The following KANSL1 variants were observed in gnomAD, a reference collection of about 807,000 sequenced individuals.
KANSL1 encodes KAT8 regulatory NSL complex subunit 1.
In KANSL1, 22 loss-of-function variants were observed where a neutral mutation model predicts 103.6. The observed-to-expected ratio is 0.21, with a 90% CI of 0.15 to 0.30. The LOEUF (loss-of-function observed/expected upper bound fraction) is 0.30, where lower values mean the gene tolerates loss of function less well. Among genes scored for constraint, KANSL1 ranks in the 10% least tolerant of loss-of-function variants. The pLI, the probability that KANSL1 is intolerant of heterozygous loss-of-function variation, is 1.00. For synonymous variants in KANSL1, 600 were observed against 527.6 expected (o/e 1.14, Z -1.88); for missense variants, 1,337 against 1,399.8 (o/e 0.96, Z 0.72).
chr17:46,040,989 AT>A (rs931431943), intron 7 of KANSL1: 1 of 152,230 alleles, frequency 6.6e-6, no homozygotes, highest in Non-Finnish European at 1.5e-5. Flanking sequence ...CTTCTTAGAG[AT>A]TTGTTAAATG....
At chr17:46,202,194 A>G (rs2047828327) in intron 1 of KANSL1, among the ~76,000 whole-genome samples, 3 of 152,224 alleles carry the variant, frequency 2.0e-5, no homozygotes. Flanking sequence ...AAAAAGGTAA[A>G]AAAAAGAAAT....
At chr17:46,065,618 A>G (rs1190260705) in intron 6 of KANSL1, among the ~76,000 whole-genome samples, 1 of 152,190 alleles carries the variant, frequency 6.6e-6, no homozygotes, top group Non-Finnish European at 1.5e-5. Flanking sequence ...AACATGCACC[A>G]AATTACCAAA....
intron 1 of KANSL1, among the ~76,000 whole-genome samples, chr17:46,210,343 A>AG (rs140712254): frequency 0.11 from 16,920 of 149,338 alleles, no homozygotes; most frequent in Non-Finnish European, 0.17. Context: ...TGTGGTGGTG[A>AG]GCACCTGTAG....
At chr17:46,166,213 C>CAAAAAAAAAA (rs147552413) in intron 2 of KANSL1, among the ~76,000 whole-genome samples, 76 of 95,050 alleles carry the variant, frequency 8.0e-4, no homozygotes, top group Middle Eastern at 6.9e-3. Context: ...GACTCTGTCT[C>CAAAAAAAAAA]AAAAAAAAAA....
At chr17:46,192,771 G>C (rs528780626) in intron 1 of KANSL1, 52 bp downstream of exon 1, 2 of 158,238 alleles carry the variant, frequency 1.3e-5, no homozygotes, top group South Asian at 4.0e-4. Flanking sequence ...AGAGCGAGGA[G>C]AAGGAGAAAG....
In KANSL1 at chr17:46,050,655, C is replaced by T; in HGVS notation, c.1898G>A (p.Cys633Tyr). ...IRPGCDVNPSCALCGSGSINT... is the reference protein window; with the variant it reads ...IRPGCDVNPSYALCGSGSINT... Reference sequence around the variant, plus strand: ...GATGCTGCCTGAACCACACAGTGCGCAGGAGGGATTCACATCACAGCCAGG... The same window carrying T: ...GATGCTGCCTGAACCACACAGTGCGTAGGAGGGATTCACATCACAGCCAGG... Residue 633 changes from cysteine (C) to tyrosine (Y), a missense_variant, in exon 7 of 15, where the codon TGC (cysteine) becomes TAC (tyrosine). Cys to Tyr is a radical substitution (Grantham distance 194, BLOSUM62 -2). This residue lies in a region of KANSL1 where 780 missense variants were observed against 923.4 expected (regional missense o/e 0.84). Transcript: ENST00000432791. 6.2e-7 allele frequency: 1 copy of T among 1,614,178 alleles called. No homozygotes were observed. Among genetic ancestry groups the T allele is most frequent in the South Asian group, 1.1e-5 (1 of 91,076 alleles).
intron 2 of KANSL1, among the ~76,000 whole-genome samples, chr17:46,160,757 A>G (rs964206448): frequency 3.4e-5 from 5 of 147,520 alleles, no homozygotes; most frequent in African/African-American, 1.2e-4. Flanking sequence ...ATATAAACAT[A>G]AATGCCATTA....
At position 46,217,590 on chromosome 17, in the gene KANSL1, A is replaced by G. The variant is rs2048380380; in HGVS notation, c.-90+6081T>C. On this transcript the variant is annotated intron_variant, in intron 1 of 14. Coordinates refer to the KANSL1 transcript ENST00000572904. ...AAAAAAGGGGAAATTGTGGACACAA[A>G]GAAATACACACAGGGAGGCTGGGCG... Among the ~76,000 whole-genome samples, 8 of 152,116 alleles carry G rather than the reference A, an allele frequency of 5.3e-5. No homozygotes were observed. The South Asian group carries it at 1.7e-3, about 32-fold the overall frequency.
At chr17:46,033,017 G>A in intron 13 of KANSL1, 63 bp downstream of exon 13, 1 of 1,299,524 alleles carries the variant, frequency 7.7e-7, no homozygotes, top group Non-Finnish European at 1.1e-6. Context: ...GACTCAAGTA[G>A]GGCCCAAACT....
At chr17:46,052,964 CAAAAAAAAAAAAAAAAAAAAA>C (rs34473927) in intron 6 of KANSL1, among the ~76,000 whole-genome samples, 735 of 32,960 alleles carry the variant, frequency 0.022, 9 homozygotes, top group Non-Finnish European at 0.036. Flanking sequence ...ATCCTGTCTC[CAAAAAAAAAAAAAAAAAAAAA>C]AAAAAAAAAA....
At chr17:46,204,673 T>C (rs1196942093) in intron 1 of KANSL1, among the ~76,000 whole-genome samples, 3 of 152,118 alleles carry the variant, frequency 2.0e-5, no homozygotes, top group Non-Finnish European at 4.4e-5. Flanking sequence ...GACCAATATA[T>C]CTTATGAATA....
At chr17:46,049,709 A>AT (rs2077644189) in intron 7 of KANSL1, 1 of 152,224 alleles carries the variant, frequency 6.6e-6, no homozygotes, top group South Asian at 2.1e-4. Context: ...AGGTACAGGT[A>AT]TGGGAAGGGA....
chr17:46,170,791 A>T, intron 2 of KANSL1, 64 bp downstream of exon 2: 1 of 1,464,910 alleles, frequency 6.8e-7, no homozygotes, highest in East Asian at 2.3e-5. Context: ...CATAATGGCG[A>T]TTCATTCATT....
intron 2 of KANSL1, among the ~76,000 whole-genome samples, chr17:46,105,463 G>A (rs1394158358): frequency 8.1e-5 from 12 of 148,558 alleles, no homozygotes; most frequent in African/African-American, 1.9e-4. Flanking sequence ...CTAAAAATAC[G>A]AAAATTAGTA....
At chr17:46,157,445 C>T in intron 2 of KANSL1, among the ~76,000 whole-genome samples, 1 of 152,224 alleles carries the variant, frequency 6.6e-6, no homozygotes. Context: ...TTGCTTTGGA[C>T]ATTATGGAAA....
intron 3 of KANSL1, among the ~76,000 whole-genome samples, chr17:46,088,854 A>T (rs2146890755): frequency 6.6e-6 from 1 of 152,326 alleles, no homozygotes; most frequent in South Asian, 2.1e-4. Flanking sequence ...TGGCCATTGC[A>T]CCTCAGCCTG....
chr17:46,190,085 T>TA (rs1481716809), intron 1 of KANSL1, among the ~76,000 whole-genome samples: 1 of 152,176 alleles, frequency 6.6e-6, no homozygotes, highest in Non-Finnish European at 1.5e-5. Flanking sequence ...TAAAACTTCT[T>TA]ATTCACTTTA....
intron 4 of KANSL1, among the ~76,000 whole-genome samples, chr17:46,076,589 A>C: frequency 8.5e-6 from 1 of 117,758 alleles, no homozygotes; most frequent in Admixed American, 9.1e-5. Flanking sequence ...TACCAAAAAC[A>C]ACACAACATA....
At chr17:46,110,093 T>C (rs1410794708) in intron 2 of KANSL1, among the ~76,000 whole-genome samples, 1 of 152,312 alleles carries the variant, frequency 6.6e-6, no homozygotes, top group Non-Finnish European at 1.5e-5. Context: ...TAACTGTTCA[T>C]CTTAAGTCGT....
Sources: gnomAD v4.1 joint callset for allele counts (sites outside exome capture counted in the v4.1 genomes callset) on GRCh38, gnomAD v4.1.1 for gene constraint, gnomAD v4.1.1 regional missense constraint, MANE v1.5 for transcripts, NCBI Gene and HGNC (gene_info 2026-07-23, HGNC 2026-07-21) for gene names.